The following EYA1 variants were observed in gnomAD, a reference collection of about 807,000 sequenced individuals.
EYA1 encodes the protein EYA transcriptional coactivator and phosphatase 1.
EYA1 carries 16 observed loss-of-function variants against 82.0 expected under a neutral mutation model. The ratio of observed to expected loss-of-function variants is 0.20; its 90% confidence interval spans 0.13 to 0.30. The LOEUF is 0.30. Among genes scored for constraint, EYA1 ranks in the 10% least tolerant of loss-of-function variants. The pLI, the probability that EYA1 is intolerant of heterozygous loss-of-function variation, is 1.00. For missense variants in EYA1, 633 were observed against 730.7 expected (o/e 0.87, Z 1.54); for synonymous variants, 261 against 264.4 (o/e 0.99, Z 0.12).
At chr8:71,523,180 T>TC (rs1384449219) in intron 2 of EYA1, among the ~76,000 whole-genome samples, 3 of 107,022 alleles carry the variant, frequency 2.8e-5, no homozygotes, top group African/African-American at 6.2e-5. Context: ...TTTCTTTTTC[T>TC]TTTTTTTTTT....
At chr8:71,483,970 CT>C (rs1354191224) in intron 2 of EYA1, among the ~76,000 whole-genome samples, 6 of 152,194 alleles carry the variant, frequency 3.9e-5, no homozygotes, top group Admixed American at 3.9e-4. Flanking sequence ...AGAAGAGCAT[CT>C]CAGCTGCGGT....
rs143157119 is a variant in EYA1 at position 71,437,438 on chromosome 8, T to A, written c.34-80927A>T. ...GATCAGCCTCTATGCCTCAGTTTTG[T>A]CCATCTCTAAAATGTGTCAGGTCAC... On this transcript the variant is annotated intron_variant, in intron 2 of 18. Transcript: ENST00000643681. Among the ~76,000 whole-genome samples the A allele has an allele frequency of 6.1e-3, 921 of 152,148 alleles. 12 individuals are homozygous for A. Among genetic ancestry groups the A allele is most frequent in the African/African-American group, 0.022 (895 of 41,522 alleles).
intron 7 of EYA1, among the ~76,000 whole-genome samples, chr8:71,302,191 C>T (rs537335748): frequency 6.6e-6 from 1 of 152,212 alleles, no homozygotes; most frequent in Admixed American, 6.5e-5. Context: ...TAGGTTACGA[C>T]TTGCTATTTT....
At chr8:71,374,331 T>C (rs1015701093) in intron 2 of EYA1, among the ~76,000 whole-genome samples, 2 of 152,062 alleles carry the variant, frequency 1.3e-5, no homozygotes, top group Admixed American at 6.6e-5. Context: ...AGGACCTAAA[T>C]AGACATTTTT....
At chr8:71,536,410 T>C (rs1191955724) in intron 1 of EYA1, among the ~76,000 whole-genome samples, 1 of 152,192 alleles carries the variant, frequency 6.6e-6, no homozygotes, top group Non-Finnish European at 1.5e-5. Flanking sequence ...AGTCTGCACC[T>C]TCAGACTCAA....
At chr8:71,512,490 T>G (rs1563690404) in intron 2 of EYA1, among the ~76,000 whole-genome samples, 1 of 150,080 alleles carries the variant, frequency 6.7e-6, no homozygotes, top group African/African-American at 2.4e-5. Flanking sequence ...AGAAAAAAAC[T>G]AAAACAGTTA....
intron 2 of EYA1, among the ~76,000 whole-genome samples, chr8:71,421,847 A>G (rs1027369892): frequency 6.6e-6 from 1 of 152,220 alleles, no homozygotes; most frequent in African/African-American, 2.4e-5. Context: ...CTGCAAAATG[A>G]ACAATGTAGT....
At chr8:71,453,538 C>T (rs185250551) in intron 2 of EYA1, among the ~76,000 whole-genome samples, 15 of 152,310 alleles carry the variant, frequency 9.8e-5, no homozygotes, top group East Asian at 9.6e-4. Context: ...GGATTACCCA[C>T]GAAGGGAAGC....
chr8:71,445,576 A>T lies in EYA1; in HGVS notation c.34-89065T>A, dbSNP rs189045849. ...TATTATTTAGGATCTCACTTTCTAT[A>T]TGTGTATTTCATATTGGGACTTTGA... is the stretch of plus-strand genomic sequence containing the variant. On this transcript the variant is annotated intron_variant, in intron 2 of 18. Coordinates refer to the EYA1 transcript ENST00000643681. Among the ~76,000 whole-genome samples, 73 of 152,264 alleles carry T rather than the reference A, an allele frequency of 4.8e-4. No individual in the cohort carries two copies. In the East Asian group the frequency reaches 0.013, roughly 27 times the overall value.
At chr8:71,404,385 T>A (rs1014068879) in intron 2 of EYA1, 3 of 152,162 alleles carry the variant, frequency 2.0e-5, no homozygotes, top group African/African-American at 7.2e-5. Context: ...AAAAATGAAA[T>A]AGAATATAAA....
chr8:71,373,075 G>A (rs991811427), intron 2 of EYA1, among the ~76,000 whole-genome samples: 1 of 152,066 alleles, frequency 6.6e-6, no homozygotes, highest in Non-Finnish European at 1.5e-5. Context: ...CTGGTACAAA[G>A]CAAGGATCCC....
chr8:71,329,924 T>C (rs374944603), intron 4 of EYA1, among the ~76,000 whole-genome samples: 2 of 151,862 alleles, frequency 1.3e-5, no homozygotes, highest in African/African-American at 4.8e-5. Flanking sequence ...ACAGCAGAGC[T>C]GCACCGAGTC....
chr8:71,361,786 C>G lies in EYA1; in HGVS notation c.-194G>C. ...CAGGCGCTCTGGTGCAGCCGCGGCG[C>G]TTCTGGGAGTGGAGCGCCTCTGCAG... On this transcript the variant is annotated 5_prime_UTR_variant, in exon 1 of 18. Coordinates refer to ENST00000340726, the MANE Select transcript of EYA1 (RefSeq NM_000503.6). 1 of 985,466 alleles carries G rather than the reference C, an allele frequency of 1.0e-6. No individual in the cohort carries two copies. The highest frequency in any genetic ancestry group is 1.2e-6 in the Non-Finnish European group (1 of 829,954). 61.0% of individuals were successfully genotyped at this position (985,466 alleles called of 1,614,324 possible).
intron 9 of EYA1, among the ~76,000 whole-genome samples, chr8:71,283,907 A>G (rs1253000064): frequency 6.6e-6 from 1 of 152,198 alleles, no homozygotes; most frequent in Non-Finnish European, 1.5e-5. Context: ...TACTGTCCCC[A>G]GTTAACAGAT....
At chr8:71,216,195 G>A (rs959965140) in intron 14 of EYA1, among the ~76,000 whole-genome samples, 4 of 152,142 alleles carry the variant, frequency 2.6e-5, no homozygotes, top group African/African-American at 9.7e-5. Context: ...AGGCTTCCCC[G>A]ACAGCATCAT....
chr8:71,540,374 T>C (rs1002189588), intron 1 of EYA1, among the ~76,000 whole-genome samples: 1 of 152,188 alleles, frequency 6.6e-6, no homozygotes, highest in African/African-American at 2.4e-5. Flanking sequence ...CACCCCATTG[T>C]ACAGGTAAAC....
At chr8:71,246,950 C>T (rs1317337528) in intron 11 of EYA1, among the ~76,000 whole-genome samples, 2 of 151,898 alleles carry the variant, frequency 1.3e-5, no homozygotes, top group East Asian at 3.9e-4. Context: ...GCACCACCCA[C>T]ACCCTTCCAG....
At chr8:71,472,788 G>GAGAT (rs71555582) in intron 2 of EYA1, among the ~76,000 whole-genome samples, 15,328 of 126,766 alleles carry the variant, frequency 0.12, 1,016 homozygotes, top group East Asian at 0.2. Flanking sequence ...TAGCTTTGAA[G>GAGAT]ATATATATAT....
At chr8:71,366,425 T>G (rs1827759702), upstream of EYA1, among the ~76,000 whole-genome samples, 1 of 152,182 alleles carries the variant, frequency 6.6e-6, no homozygotes, top group Non-Finnish European at 1.5e-5. Flanking sequence ...TCTCGCGCTG[T>G]GAAATGGGTT....
Sources: gnomAD v4.1 joint callset for allele counts (sites outside exome capture counted in the v4.1 genomes callset) on GRCh38, gnomAD v4.1.1 for gene constraint, MANE v1.5 for transcripts, NCBI Gene and HGNC (gene_info 2026-07-23, HGNC 2026-07-21) for gene names.